The following MYH11 variants were observed in gnomAD, a reference collection of about 807,000 sequenced individuals.
MYH11 encodes myosin heavy chain 11, also known as myosin-11.
Under a neutral mutation model 246.6 loss-of-function variants are expected in MYH11, and 80 were observed. The ratio of observed to expected loss-of-function variants is 0.32; its 90% confidence interval spans 0.27 to 0.39. The LOEUF is 0.39. MYH11 is among the 10% of genes least tolerant of loss of function. The pLI is 1.00. For missense variants in MYH11, 2,158 were observed against 2,546.8 expected (o/e 0.85, Z 3.29); for synonymous variants, 1,071 against 1,015.5 (o/e 1.05, Z -1.04).
intron 25 of MYH11, among the ~76,000 whole-genome samples, chr16:15,736,183 G>T (rs1289894617): frequency 1.3e-5 from 2 of 152,204 alleles, no homozygotes; most frequent in Non-Finnish European, 2.9e-5. Flanking sequence ...GAAATAGTTG[G>T]GTTGGGGTGA....
intron 1 of MYH11, among the ~76,000 whole-genome samples, chr16:15,850,183 A>C (rs1010345484): frequency 6.6e-6 from 1 of 152,120 alleles, no homozygotes; most frequent in Non-Finnish European, 1.5e-5. Context: ...TCAGTAGTTC[A>C]AGACCAGCCT....
intron 5 of MYH11, chr16:15,786,372 C>A: frequency 1.6e-6 from 1 of 637,928 alleles, no homozygotes; most frequent in Admixed American, 2.1e-5. Context: ...AGGAAGATCT[C>A]GCTATGGAAG....
intron 25 of MYH11, among the ~76,000 whole-genome samples, chr16:15,736,251 G>T (rs2041114850): frequency 1.3e-5 from 2 of 152,136 alleles, no homozygotes. Context: ...ATTTTCCCTA[G>T]TAAGCCAGTG....
At chr16:15,741,403 G>T in intron 22 of MYH11, 60 bp downstream of exon 22, 11 of 1,558,782 alleles carry the variant, frequency 7.1e-6, no homozygotes, top group Non-Finnish European at 9.6e-6. Flanking sequence ...ACCTCCACAG[G>T]CCTGTGGTGA....
Position 15,759,669 on chromosome 16 carries a change from T to A in MYH11, c.1308A>T (p.Ile436=). 6.2e-7 allele frequency: 1 copy of A among 1,614,048 alleles called. No homozygotes were observed. Among genetic ancestry groups the A allele is most frequent in the South Asian group, 1.1e-5 (1 of 91,074 alleles). Reference sequence around the variant, plus strand: ...CCAGGGCTTTGTTCACGCGGGTGAGTATCCAGCGGAAAAGGCGCTCATATG... The same window carrying A: ...CCAGGGCTTTGTTCACGCGGGTGAGAATCCAGCGGAAAAGGCGCTCATATG... ...KATYERLFRW[I]LTRVNKALDK... The change falls in exon 12 of 41, where the codon ATA becomes ATT. Residue 436 remains isoleucine, a synonymous_variant. Transcript: ENST00000300036.
intron 5 of MYH11, chr16:15,784,811 C>G: frequency 6.9e-7 from 1 of 1,451,606 alleles, no homozygotes; most frequent in Non-Finnish European, 9.6e-7. Context: ...TTGATCCCCC[C>G]AAACAGCCTG....
chr16:15,804,394 C>T (rs1209723304), intron 3 of MYH11, among the ~76,000 whole-genome samples: 1 of 152,016 alleles, frequency 6.6e-6, no homozygotes. Flanking sequence ...CGGTGGTGCA[C>T]ACCTGTAATC....
At chr16:15,808,230 G>A (rs1409397202) in intron 3 of MYH11, among the ~76,000 whole-genome samples, 4 of 152,162 alleles carry the variant, frequency 2.6e-5, no homozygotes, top group Non-Finnish European at 4.4e-5. Flanking sequence ...GGCCCTTGAC[G>A]GTGGGTCCTC....
intron 40 of MYH11, among the ~76,000 whole-genome samples, chr16:15,706,933 T>G (rs945212495): frequency 6.6e-6 from 1 of 152,214 alleles, no homozygotes; most frequent in African/African-American, 2.4e-5. Context: ...GAAGTGCTTT[T>G]CTTGGAACTG....
chr16:15,757,006 G>A (rs1055202949), intron 13 of MYH11, among the ~76,000 whole-genome samples: 10 of 150,560 alleles, frequency 6.6e-5, no homozygotes, highest in Non-Finnish European at 1.0e-4. Flanking sequence ...CACCGTGTTA[G>A]CCAGGATGGT....
At chr16:15,710,262 C>T (rs2039704581) in intron 40 of MYH11, among the ~76,000 whole-genome samples, 1 of 152,140 alleles carries the variant, frequency 6.6e-6, no homozygotes, top group African/African-American at 2.4e-5. Context: ...GTGGCTCACG[C>T]CTGTAACCCC....
intron 9 of MYH11, among the ~76,000 whole-genome samples, chr16:15,765,324 GGATGGATGGATAGAGGATA>G (rs2041958072): frequency 6.6e-6 from 1 of 152,062 alleles, no homozygotes; most frequent in East Asian, 1.9e-4. Context: ...GACGGATGAT[GGATGGATGGATAGAGGATA>G]GATGGATAGA....
At chr16:15,793,615 CTTTTTTTT>C (rs572455483) in intron 4 of MYH11, among the ~76,000 whole-genome samples, 1 of 93,818 alleles carries the variant, frequency 1.1e-5, no homozygotes, top group African/African-American at 5.2e-5. Context: ...CTTTTCTTTT[CTTTTTTTT>C]TTTTTTTTTT....
chr16:15,795,568 G>A (rs962551077), intron 4 of MYH11, among the ~76,000 whole-genome samples: 3 of 152,078 alleles, frequency 2.0e-5, no homozygotes, highest in Admixed American at 6.6e-5. Context: ...CCAAGATCAC[G>A]CCATTGCACT....
intron 23 of MYH11, 102 bp from the exon 24 acceptor site, chr16:15,738,790 C>G (rs1290279209): frequency 8.1e-6 from 11 of 1,365,792 alleles, no homozygotes; most frequent in Non-Finnish European, 4.1e-6. Flanking sequence ...AAAGAAAAAC[C>G]CACATTATAA....
chr16:15,819,978 A>G (rs2043364196), intron 3 of MYH11, among the ~76,000 whole-genome samples: 1 of 152,198 alleles, frequency 6.6e-6, no homozygotes, highest in African/African-American at 2.4e-5. Flanking sequence ...ATATGAACAC[A>G]AAACAAAGTG....
In MYH11 at chr16:15,735,569, A is replaced by G. The variant is rs1412433159; in HGVS notation, c.3303T>C (p.Asp1101=). 1.2e-6 allele frequency: 2 copies of G among 1,614,154 alleles called. No individual in the cohort carries two copies. Among genetic ancestry groups the G allele is most frequent in the South Asian group, 1.1e-5 (1 of 91,084 alleles). The part of the protein sequence containing the change: ...ELQAALARLD[D]EIAQKNNALK... Reference sequence around the variant, plus strand: ...GGGCATTGTTCTTCTGAGCGATTTCATCGTCAAGCCTTCCAGGGAGAGACC... The same window carrying G: ...GGGCATTGTTCTTCTGAGCGATTTCGTCGTCAAGCCTTCCAGGGAGAGACC... The change falls in exon 26 of 41, where the codon GAT becomes GAC. Residue 1101 remains aspartate (D), a synonymous_variant. Transcript: ENST00000300036.
intron 2 of MYH11, among the ~76,000 whole-genome samples, chr16:15,830,582 A>G (rs997645478): frequency 4.6e-5 from 7 of 152,080 alleles, no homozygotes; most frequent in African/African-American, 1.2e-4. Flanking sequence ...GCATGTGTAT[A>G]AAACATCACT....
intron 2 of MYH11, among the ~76,000 whole-genome samples, chr16:15,833,712 A>G (rs1183588196): frequency 6.6e-6 from 1 of 152,120 alleles, no homozygotes; most frequent in Non-Finnish European, 1.5e-5. Flanking sequence ...CGGAGGAGAA[A>G]GTTTATCTTC....
Sources: gnomAD v4.1 joint callset for allele counts (sites outside exome capture counted in the v4.1 genomes callset) on GRCh38, gnomAD v4.1.1 for gene constraint, MANE v1.5 for transcripts, NCBI Gene and HGNC (gene_info 2026-07-23, HGNC 2026-07-21) for gene names.